The following SPATA16 variants were observed in gnomAD, a reference collection of about 807,000 sequenced individuals.
SPATA16 encodes spermatogenesis-associated protein 16.
SPATA16 carries 36 observed loss-of-function variants against 63.3 expected under a neutral mutation model. The ratio of observed to expected loss-of-function variants is 0.57; its 90% CI spans 0.44 to 0.75. The LOEUF is 0.75. Ranked by LOEUF, SPATA16 falls within the 30% of genes least tolerant of loss-of-function variation. The probability of loss-of-function intolerance (pLI) is 0.00; values close to 1 mark genes in which losing one functional copy is unlikely to be tolerated. For synonymous variants in SPATA16, 203 were observed against 216.7 expected (o/e 0.94, Z 0.56); for missense variants, 646 against 679.3 (o/e 0.95, Z 0.54).
intron 3 of SPATA16, among the ~76,000 whole-genome samples, chr3:173,032,666 G>A (rs1169536590): frequency 6.6e-6 from 1 of 152,064 alleles, no homozygotes; most frequent in Non-Finnish European, 1.5e-5. Context: ...TATGATTACT[G>A]GATCTTTAGA....
intron 2 of SPATA16, among the ~76,000 whole-genome samples, chr3:173,107,606 A>T (rs1005551005): frequency 6.6e-6 from 1 of 152,144 alleles, no homozygotes; most frequent in Non-Finnish European, 1.5e-5. Context: ...GTTGAAACTA[A>T]ATTTTCCTTT....
chr3:172,896,456 C>T (rs1207312194), intron 10 of SPATA16, among the ~76,000 whole-genome samples: 1 of 152,070 alleles, frequency 6.6e-6, no homozygotes, highest in Non-Finnish European at 1.5e-5. Flanking sequence ...CTCCTGACTT[C>T]GTGATCCGCC....
chr3:173,090,040 A>T (rs11926239), intron 2 of SPATA16, among the ~76,000 whole-genome samples: 5,195 of 152,298 alleles, frequency 0.034, 285 homozygotes, highest in African/African-American at 0.12. Flanking sequence ...ACAAAGAGGA[A>T]GAAATCCCAG....
chr3:173,030,862 A>ATGGTAT (rs1735588185), intron 3 of SPATA16, among the ~76,000 whole-genome samples: 1 of 152,082 alleles, frequency 6.6e-6, no homozygotes, highest in African/African-American at 2.4e-5. Context: ...TTAACAAAAC[A>ATGGTAT]TGGTATCTAA....
chr3:172,959,329 A>C (rs1256872440), intron 5 of SPATA16, among the ~76,000 whole-genome samples: 3 of 152,192 alleles, frequency 2.0e-5, no homozygotes, highest in Non-Finnish European at 4.4e-5. Context: ...TTCATGTGGC[A>C]GCTTGATCTG....
At chr3:172,993,159 G>A (rs1360934597) in intron 4 of SPATA16, among the ~76,000 whole-genome samples, 1 of 151,038 alleles carries the variant, frequency 6.6e-6, no homozygotes, top group Admixed American at 6.6e-5. Flanking sequence ...GTTACATTAT[G>A]CAGGTTTAAA....
chr3:173,122,578 C>T (rs1055049676), intron 1 of SPATA16, among the ~76,000 whole-genome samples: 1 of 151,734 alleles, frequency 6.6e-6, no homozygotes, highest in Non-Finnish European at 1.5e-5. Context: ...GAGAAAAAAA[C>T]ACCTTGCTTG....
chr3:172,956,538 T>G, intron 6 of SPATA16, 139 bp downstream of exon 6: 1 of 838,792 alleles, frequency 1.2e-6, no homozygotes. Context: ...CCTTAAAAAT[T>G]TCTTTCCGTT....
intron 2 of SPATA16, among the ~76,000 whole-genome samples, chr3:173,061,511 C>T (rs1736377466): frequency 6.6e-6 from 1 of 152,202 alleles, no homozygotes; most frequent in Non-Finnish European, 1.5e-5. Flanking sequence ...GAGAATTATG[C>T]ACAACAATTA....
chr3:172,924,234 C>A lies in SPATA16; in HGVS notation c.1312G>T (p.Asp438Tyr). The change falls in exon 8 of 11, where the codon GAT (aspartate) becomes TAT (tyrosine). Residue 438 changes from aspartate (D) to tyrosine (Y), a missense_variant. Transcript: ENST00000351008. ...TTCAATTGGGTGCTTCTAATAAAAT[C>A]CAATATTGGCAAGATTCGCTTCCCC... is the stretch of plus-strand genomic sequence containing the variant. ...TMGKRILPIL[D>Y]FIRSTQLNGS... 1.2e-6 allele frequency: 2 copies of A among 1,613,158 alleles called. No individual in the cohort carries two copies. The highest frequency in any genetic ancestry group is 1.1e-5 in the South Asian group (1 of 91,064).
intron 5 of SPATA16, among the ~76,000 whole-genome samples, chr3:172,960,875 C>CTCTTTCTTTCTTTCTTTCTT (rs57268955): frequency 2.8e-5 from 4 of 142,270 alleles, no homozygotes; most frequent in South Asian, 2.2e-4. Context: ...CTTTCTTTCT[C>CTCTTTCTTTCTTTCTTTCTT]TCTTTCTTTC....
intron 2 of SPATA16, among the ~76,000 whole-genome samples, chr3:173,049,971 C>G (rs1736047261): frequency 6.6e-6 from 1 of 151,984 alleles, no homozygotes; most frequent in Non-Finnish European, 1.5e-5. Context: ...TTGCTCTTTT[C>G]TACTTCCATC....
At chr3:172,935,405 A>G (rs1055142486) in intron 6 of SPATA16, among the ~76,000 whole-genome samples, 1 of 152,262 alleles carries the variant, frequency 6.6e-6, no homozygotes, top group Non-Finnish European at 1.5e-5. Flanking sequence ...TAAAATATGC[A>G]GTATATTGTA....
chr3:172,936,777 G>A (rs1733005603), intron 6 of SPATA16, among the ~76,000 whole-genome samples: 1 of 152,004 alleles, frequency 6.6e-6, no homozygotes, highest in Non-Finnish European at 1.5e-5. Context: ...GCGTGATCTC[G>A]GCTTACTGCA....
At chr3:172,965,573 C>A (rs115492064) in intron 5 of SPATA16, among the ~76,000 whole-genome samples, 3,042 of 152,142 alleles carry the variant, frequency 0.02, 108 homozygotes, top group African/African-American at 0.07. Context: ...CCCGTAATTT[C>A]TTTTCTTACA....
chr3:173,137,366 G>A lies in SPATA16; in HGVS notation c.-19+3737C>T, dbSNP rs569132023. On this transcript the variant is annotated intron_variant, in intron 1 of 10. Coordinates refer to ENST00000351008, the MANE Select transcript of SPATA16 (RefSeq NM_031955.6). ...TGCGAATTAGGGTGGTAGAAGGATA[G>A]GTGGAGAACAGAAATGATCACCTGC... Among the ~76,000 whole-genome samples, 5 of 152,244 alleles carry A rather than the reference G, an allele frequency of 3.3e-5. No individual in the cohort carries two copies. The East Asian group carries it at 7.7e-4, about 24-fold the overall frequency.
chr3:173,084,879 G>A (rs1371339676), intron 2 of SPATA16, among the ~76,000 whole-genome samples: 1 of 151,990 alleles, frequency 6.6e-6, no homozygotes, highest in Non-Finnish European at 1.5e-5. Flanking sequence ...TGGTCTATAT[G>A]TCTGTTTTTG....
chr3:172,889,631 A>C lies in SPATA16; in HGVS notation c.1649T>G (p.Leu550Arg). Residue 550 changes from leucine to arginine, a missense_variant, in exon 11 of 11, where the codon CTG becomes CGG. Transcript: ENST00000351008. ...LEDSFLKTKK[L>R]RTARRQKTKM... ...TGTTTTTTGCCTTCGAGCAGTTCTC[A>C]GTTTTTTAGTTTTTAAGAAACTGTC... The C allele has an allele frequency of 1.2e-6, 2 of 1,613,816 alleles. No homozygotes were observed. Among genetic ancestry groups the C allele is most frequent in the Non-Finnish European group, 1.7e-6 (2 of 1,179,862 alleles).
chr3:173,081,346 C>G (rs1736917839), intron 2 of SPATA16, among the ~76,000 whole-genome samples: 1 of 152,296 alleles, frequency 6.6e-6, no homozygotes, highest in African/African-American at 2.4e-5. Flanking sequence ...GATTATGCAT[C>G]AAGACTGGAT....
Sources: gnomAD v4.1 joint callset for allele counts (sites outside exome capture counted in the v4.1 genomes callset) on GRCh38, gnomAD v4.1.1 for gene constraint, MANE v1.5 for transcripts, NCBI Gene and HGNC (gene_info 2026-07-23, HGNC 2026-07-21) for gene names.